The following PLSCR2 variants were observed in gnomAD, a reference collection of about 807,000 sequenced individuals.
PLSCR2 encodes the protein phospholipid scramblase 2, also known as PL scramblase 2.
In PLSCR2, 18 loss-of-function variants were observed where a neutral mutation model predicts 25.3. The ratio of observed to expected loss-of-function variants is 0.71; its 90% CI spans 0.49 to 1.06. PLSCR2 has a LOEUF of 1.06. Ranked by LOEUF, PLSCR2 falls within the 50% of genes least tolerant of loss-of-function variation. The pLI is 0.00. For missense variants in PLSCR2, 243 were observed against 269.5 expected (o/e 0.90, Z 0.69); for synonymous variants, 88 against 87.3 (o/e 1.01, Z -0.04).
At chr3:146,439,497 T>G (rs1345379549), downstream of PLSCR2, among the ~76,000 whole-genome samples, 1 of 152,178 alleles carries the variant, frequency 6.6e-6, no homozygotes, top group Non-Finnish European at 1.5e-5. Flanking sequence ...TTCTCTAAAC[T>G]TCTCTTCTCT....
chr3:146,484,356 C>T (rs56080524), intron 1 of PLSCR2, among the ~76,000 whole-genome samples: 4 of 151,762 alleles, frequency 2.6e-5, no homozygotes, highest in African/African-American at 9.7e-5. Context: ...AATAAGTTGG[C>T]AAACACACTT....
intron 6 of PLSCR2, 88 bp from the exon 7 acceptor site, chr3:146,441,909 G>T: frequency 1.3e-6 from 1 of 783,478 alleles, no homozygotes; most frequent in Non-Finnish European, 2.1e-6. Flanking sequence ...ATGAAACACA[G>T]TTAATTGTCT....
chr3:146,488,428 A>G (rs968755823), intron 1 of PLSCR2, among the ~76,000 whole-genome samples: 3 of 152,142 alleles, frequency 2.0e-5, no homozygotes, highest in African/African-American at 4.8e-5. Context: ...CAGTCTTTCT[A>G]TCTTACAAAT....
At chr3:146,478,569 A>G (rs1371845033) in intron 1 of PLSCR2, among the ~76,000 whole-genome samples, 1 of 152,260 alleles carries the variant, frequency 6.6e-6, no homozygotes, top group Non-Finnish European at 1.5e-5. Context: ...AACTAAAAAA[A>G]GCCTCCAAGA....
chr3:146,415,466 T>A (rs1239991269), intron 2 of PLSCR2, among the ~76,000 whole-genome samples: 1 of 152,060 alleles, frequency 6.6e-6, no homozygotes, highest in Admixed American at 6.6e-5. Flanking sequence ...AAAGTACATA[T>A]TATAAATATT....
At chr3:146,404,531 G>T (rs1172236141) in intron 2 of PLSCR2, among the ~76,000 whole-genome samples, 2 of 152,154 alleles carry the variant, frequency 1.3e-5, no homozygotes, top group African/African-American at 2.4e-5. Context: ...TTTGGGGGAT[G>T]CATTCAGACC....
At chr3:146,472,356 A>C (rs1576712918) in intron 1 of PLSCR2, among the ~76,000 whole-genome samples, 1 of 152,002 alleles carries the variant, frequency 6.6e-6, no homozygotes, top group Non-Finnish European at 1.5e-5. Flanking sequence ...AAATTGAGAA[A>C]GTATCTATTT....
At chr3:146,488,398 T>C (rs1469004683) in intron 1 of PLSCR2, among the ~76,000 whole-genome samples, 3 of 151,950 alleles carry the variant, frequency 2.0e-5, no homozygotes, top group Non-Finnish European at 4.4e-5. Flanking sequence ...GATAACCTAA[T>C]GAGTGAGAGA....
At chr3:146,488,596 G>C (rs57298916) in intron 1 of PLSCR2, among the ~76,000 whole-genome samples, 4,221 of 152,204 alleles carry the variant, frequency 0.028, 220 homozygotes, top group African/African-American at 0.096. Context: ...CTGATCACTA[G>C]AGAAATGCAA....
At chr3:146,398,617 T>C (rs144506536) in intron 2 of PLSCR2, 25 of 151,718 alleles carry the variant, frequency 1.6e-4, no homozygotes, top group Non-Finnish European at 1.8e-4. Flanking sequence ...ATCTAATAAT[T>C]AACTAATTTT....
intron 1 of PLSCR2, among the ~76,000 whole-genome samples, chr3:146,471,918 C>T (rs1045456111): frequency 2.0e-5 from 3 of 152,150 alleles, no homozygotes; most frequent in African/African-American, 7.2e-5. Flanking sequence ...TTTAAGGTTG[C>T]TTTCACCACA....
chr3:146,427,895 G>A (rs1189057679), intron 2 of PLSCR2, among the ~76,000 whole-genome samples: 1 of 152,072 alleles, frequency 6.6e-6, no homozygotes, highest in South Asian at 2.1e-4. Context: ...TTTATTAATT[G>A]ACTGATAATC....
intron 1 of PLSCR2, among the ~76,000 whole-genome samples, chr3:146,493,783 GTTTTTT>G (rs34986699): frequency 3.0e-3 from 167 of 54,798 alleles, no homozygotes; most frequent in Non-Finnish European, 4.4e-3. Context: ...CCAAGGTGGC[GTTTTTT>G]TTTTTTTTTT....
At chr3:146,433,390 T>C in exon 9 of PLSCR2, 1 of 152,160 alleles carries the variant, frequency 6.6e-6, no homozygotes, top group South Asian at 2.1e-4. Context: ...TTATCTAGTA[T>C]TTGAATTTAA....
chr3:146,413,586 T>A (rs943327849), intron 2 of PLSCR2, among the ~76,000 whole-genome samples: 2 of 152,196 alleles, frequency 1.3e-5, no homozygotes, highest in South Asian at 4.1e-4. Flanking sequence ...TCTGCCAAGT[T>A]CTCTGCAACT....
At chr3:146,402,187 T>C (rs1053673494) in intron 2 of PLSCR2, among the ~76,000 whole-genome samples, 15 of 152,074 alleles carry the variant, frequency 9.9e-5, no homozygotes, top group Admixed American at 2.6e-4. Context: ...TAAGAGGCAA[T>C]ACTTATTATC....
At chr3:146,428,497 A>G (rs766366372), downstream of PLSCR2, among the ~76,000 whole-genome samples, 6 of 152,230 alleles carry the variant, frequency 3.9e-5, no homozygotes, top group African/African-American at 9.6e-5. Flanking sequence ...ACAGAATAAT[A>G]TTAGATTAAA....
chr3:146,462,464 CTTTCT>C (rs1282796007), upstream of PLSCR2, among the ~76,000 whole-genome samples: 1 of 104,462 alleles, frequency 9.6e-6, no homozygotes, highest in East Asian at 2.9e-4. Flanking sequence ...CTTTTCTTTT[CTTTCT>C]TTTTTTTTTT....
At chr3:146,394,428 G>T (rs966895977) in intron 3 of PLSCR2, among the ~76,000 whole-genome samples, 1 of 151,832 alleles carries the variant, frequency 6.6e-6, no homozygotes, top group Non-Finnish European at 1.5e-5. Context: ...TCACCTGCTC[G>T]GCTGATTTTG....
Sources: allele counts gnomAD v4.1 joint callset (sites outside exome capture counted in the v4.1 genomes callset), GRCh38; gene constraint gnomAD v4.1.1; transcripts MANE v1.5; gene names NCBI Gene and HGNC (gene_info 2026-07-23, HGNC 2026-07-21).